The following CENPL variants were observed in gnomAD, a reference collection of about 807,000 sequenced individuals.
CENPL encodes the protein centromere protein L.
CENPL carries 20 observed loss-of-function variants against 35.2 expected under a neutral mutation model. That is an observed-to-expected ratio of 0.57 (90% CI 0.40 to 0.83). The LOEUF is 0.83. Ranked by LOEUF, CENPL falls within the 40% of genes least tolerant of loss-of-function variation. The pLI is 0.00. For synonymous variants in CENPL, 140 were observed against 140.6 expected (o/e 1.00, Z 0.03); for missense variants, 363 against 395.8 (o/e 0.92, Z 0.70).
intron 2 of CENPL, among the ~76,000 whole-genome samples, chr1:173,814,161 A>C (rs536416876): frequency 6.6e-6 from 1 of 152,302 alleles, no homozygotes; most frequent in Non-Finnish European, 1.5e-5. Context: ...CACCCAATAC[A>C]GGAGCACCCA....
At chr1:173,823,734 G>A (rs1333153723) in intron 2 of CENPL, 192 bp downstream of exon 2, 1 of 152,070 alleles carries the variant, frequency 6.6e-6, no homozygotes, top group Non-Finnish European at 1.5e-5. Flanking sequence ...TCCGTGAAGG[G>A]GCTCTGACTT....
rs2102555698 is a variant in CENPL, at chr1:173,800,319, C to CCAAAGG, written c.*123_*128dup. The stretch of plus-strand genomic sequence containing the variant: ...CTTCTTGGCTTCCATCTTGGCAACT[C>CCAAAGG]CAAAGGCATGGTGGGGAAAACAGAT... On this transcript the variant is annotated 3_prime_UTR_variant, in exon 6 of 6. Transcript: ENST00000682279. The CCAAAGG allele has an allele frequency of 1.9e-6, 1 of 523,410 alleles. No homozygotes were observed. Among genetic ancestry groups the CCAAAGG allele is most frequent in the Admixed American group, 3.6e-5 (1 of 28,048 alleles). The allele number at this position is 523,410 out of a possible 1,614,324, so 32.4% of individuals were successfully genotyped here. A position where few individuals can be genotyped will look rare whatever the true frequency, so the allele number is the denominator to read the frequency against.
Position 173,802,945 on chromosome 1 carries a change from T to C in CENPL, c.963+18A>G, listed in dbSNP as rs1649886946. 6.5e-7 allele frequency: 1 copy of C among 1,540,714 alleles called. No homozygotes were observed. The highest frequency in any genetic ancestry group is 1.4e-5 in the African/African-American group (1 of 72,808). On this transcript the variant is annotated intron_variant, in intron 5 of 5. Transcript: ENST00000682279. ...ATAAAACAAGGAAAAATTACTTAAC[T>C]AGATTGTTCAAACTAACCTTTATTT...
At chr1:173,821,211 A>C (rs1253985272) in intron 2 of CENPL, among the ~76,000 whole-genome samples, 1 of 152,208 alleles carries the variant, frequency 6.6e-6, no homozygotes, top group African/African-American at 2.4e-5. Flanking sequence ...TTTAATCTTC[A>C]AACAACCCCA....
intron 4 of CENPL, among the ~76,000 whole-genome samples, chr1:173,803,977 T>C (rs545197648): frequency 6.6e-6 from 1 of 152,076 alleles, no homozygotes; most frequent in African/African-American, 2.4e-5. Flanking sequence ...CGGCCCCCAA[T>C]ATTCTTATAC....
rs746185006 is a variant in CENPL, at chr1:173,800,466, T to A, written c.1017A>T (p.Ala339=). ...IGVLAYLTEL[A]IFQIE is the part of the protein sequence containing the mutation. ...TAAGGCTTCACTCAATTTGAAAAAT[T>A]GCCAGTTCTGTCAAATATGCTAACA... The change falls in exon 6 of 6, where the codon GCA becomes GCT. Residue 339 remains alanine, a synonymous_variant. Transcript: ENST00000682279. 6.8e-7 allele frequency: 1 copy of A among 1,462,818 alleles called. No homozygotes were observed. The allele number at this position is 1,462,818 out of a possible 1,614,324, so 90.6% of individuals were successfully genotyped here.
At chr1:173,808,798 CTAGGCA>C (rs2102580004) in intron 3 of CENPL, among the ~76,000 whole-genome samples, 1 of 152,150 alleles carries the variant, frequency 6.6e-6, no homozygotes, top group South Asian at 2.1e-4. Flanking sequence ...GGACGACAAC[CTAGGCA>C]ATACCATTCA....
At position 173,807,276 on chromosome 1, in the gene CENPL, A is replaced by T; in HGVS notation, c.411T>A (p.Phe137Leu). The T allele has an allele frequency of 6.2e-7, 1 of 1,605,194 alleles. No homozygotes were observed. The highest frequency in any genetic ancestry group is 8.5e-7 in the Non-Finnish European group (1 of 1,174,466). Residue 137 changes from phenylalanine to leucine, a missense_variant, in exon 4 of 6, where the codon TTT (phenylalanine) becomes TTA (leucine). Phe to Leu is a conservative substitution (Grantham distance 22, BLOSUM62 0). Coordinates refer to ENST00000682279, the MANE Select transcript of CENPL (RefSeq NM_001387287.1). ...TGTTTATGTATTATACCTGGACAAG[A>T]AATGCTTCCGGGTCCCTTTGTGTTC... is the stretch of plus-strand genomic sequence containing the variant. ...MKGTQRDPEA[F>L]LVQIVSKSQL...
Position 173,824,850 on chromosome 1 carries a change from G to C in CENPL, c.-740C>G. The C allele has an allele frequency of 4.4e-6, 1 of 225,326 alleles. No homozygotes were observed. The highest frequency in any genetic ancestry group is 9.1e-6 in the Non-Finnish European group (1 of 109,378). The allele number at this position is 225,326 out of a possible 1,614,324, so 14.0% of individuals were successfully genotyped here. ...TGGCCGCGGGAGCCTCTCGAGAAGCGTGGAAAGAGGAGAAGGGCGTATACC... is the reference window on the plus strand; with the variant it reads ...TGGCCGCGGGAGCCTCTCGAGAAGCCTGGAAAGAGGAGAAGGGCGTATACC... On this transcript the variant is annotated 5_prime_UTR_variant, in exon 1 of 6. Coordinates refer to ENST00000682279, the MANE Select transcript of CENPL (RefSeq NM_001387287.1).
At chr1:173,816,303 T>C (rs920093557) in intron 2 of CENPL, among the ~76,000 whole-genome samples, 34 of 152,288 alleles carry the variant, frequency 2.2e-4, no homozygotes, top group Admixed American at 1.8e-3. Flanking sequence ...AAGCTACCAA[T>C]GACTTTCTTC....
chr1:173,823,272 T>C (rs1652161271), intron 2 of CENPL: 1 of 152,204 alleles, frequency 6.6e-6, no homozygotes, highest in African/African-American at 2.4e-5. Context: ...CACTACTGTA[T>C]TTGATCTTAT....
chr1:173,801,431 T>C (rs1649740039), intron 5 of CENPL, among the ~76,000 whole-genome samples: 2 of 151,160 alleles, frequency 1.3e-5, no homozygotes, highest in Admixed American at 6.6e-5. Flanking sequence ...GGAGAATTGC[T>C]TGAACCCAGG....
chr1:173,804,549 ATT>A (rs1650040566), intron 4 of CENPL, among the ~76,000 whole-genome samples: 1 of 152,224 alleles, frequency 6.6e-6, no homozygotes, highest in Non-Finnish European at 1.5e-5. Context: ...CTTTAACTAG[ATT>A]ATACTCCTAT....
intron 3 of CENPL, among the ~76,000 whole-genome samples, chr1:173,808,202 T>C (rs1304539874): frequency 6.6e-5 from 10 of 151,902 alleles, no homozygotes; most frequent in Admixed American, 5.9e-4. Context: ...GGTCAGGAGT[T>C]TGAGACCAGC....
chr1:173,801,772 A>G (rs1161609803), intron 5 of CENPL, among the ~76,000 whole-genome samples: 1 of 152,194 alleles, frequency 6.6e-6, no homozygotes, highest in Non-Finnish European at 1.5e-5. Flanking sequence ...GTGAGTTGAG[A>G]TTGCACCACT....
intron 2 of CENPL, among the ~76,000 whole-genome samples, chr1:173,811,763 T>C (rs1040645973): frequency 2.0e-5 from 3 of 152,138 alleles, no homozygotes; most frequent in African/African-American, 7.2e-5. Flanking sequence ...AGAAGACAGG[T>C]GATTTCTGCA....
intron 2 of CENPL, among the ~76,000 whole-genome samples, chr1:173,813,839 T>C (rs1162711103): frequency 2.0e-5 from 3 of 152,100 alleles, no homozygotes; most frequent in East Asian, 3.9e-4. Flanking sequence ...TAACCTTAAA[T>C]GTAAATGGAC....
intron 2 of CENPL, among the ~76,000 whole-genome samples, chr1:173,811,842 G>A (rs780125815): frequency 2.0e-5 from 3 of 152,242 alleles, no homozygotes; most frequent in Non-Finnish European, 4.4e-5. Context: ...CATGGAGGGT[G>A]AGCCAAAACA....
At chr1:173,818,143 T>TAA (rs2102607881) in intron 2 of CENPL, among the ~76,000 whole-genome samples, 1 of 152,108 alleles carries the variant, frequency 6.6e-6, no homozygotes, top group South Asian at 2.1e-4. Context: ...CCCTAGAACT[T>TAA]AAAGTATAAT....
Sources: gnomAD v4.1 joint callset for allele counts (sites outside exome capture counted in the v4.1 genomes callset) on GRCh38, gnomAD v4.1.1 for gene constraint, MANE v1.5 for transcripts, NCBI Gene and HGNC (gene_info 2026-07-23, HGNC 2026-07-21) for gene names.